Variants in FOXO3 observed in about 807,000 individuals in gnomAD.
The protein encoded by FOXO3 is forkhead box protein O3.
FOXO3 carries 4 observed loss-of-function variants against 41.9 expected under a neutral mutation model. The observed-to-expected ratio is 0.10, with a 90% CI of 0.05 to 0.22. The LOEUF is 0.22. Among genes scored for constraint, FOXO3 ranks in the 10% least tolerant of loss-of-function variants. FOXO3 has a pLI of 1.00. For missense variants in FOXO3, 534 were observed against 906.8 expected, an observed-to-expected ratio of 0.59 and a Z score of 5.28; for synonymous variants, 318 against 389.3, an observed-to-expected ratio of 0.82 and a Z score of 2.16.
At chr6:108,638,137 C>G (rs1183335926) in intron 1 of FOXO3, among the ~76,000 whole-genome samples, 1 of 152,130 alleles carries the variant, frequency 6.6e-6, no homozygotes, top group Non-Finnish European at 1.5e-5. Flanking sequence ...CTGCATACAT[C>G]CCTATGGCAT....
intron 1 of FOXO3, among the ~76,000 whole-genome samples, chr6:108,582,268 G>T (rs1776442461): frequency 6.6e-6 from 1 of 152,160 alleles, no homozygotes; most frequent in Non-Finnish European, 1.5e-5. Context: ...TTATGTGCTA[G>T]GTGTGGGAAG....
intron 2 of FOXO3, among the ~76,000 whole-genome samples, chr6:108,672,188 C>T (rs1779233792): frequency 6.6e-6 from 1 of 152,156 alleles, no homozygotes; most frequent in Non-Finnish European, 1.5e-5. Context: ...CATTGCAGTC[C>T]CTCTTAGGGC....
At chr6:108,586,157 A>G (rs1341119853) in intron 1 of FOXO3, among the ~76,000 whole-genome samples, 1 of 152,234 alleles carries the variant, frequency 6.6e-6, no homozygotes, top group Non-Finnish European at 1.5e-5. Flanking sequence ...TATGTGCAGT[A>G]TTAAGAGATG....
intron 1 of FOXO3, among the ~76,000 whole-genome samples, chr6:108,567,200 G>A (rs751083785): frequency 9.9e-5 from 15 of 152,180 alleles, no homozygotes; most frequent in Non-Finnish European, 2.1e-4. Context: ...AAGTTGCTGG[G>A]AAGTGGCAAA....
intron 1 of FOXO3, among the ~76,000 whole-genome samples, chr6:108,584,194 G>A (rs562335973): frequency 5.3e-5 from 8 of 152,180 alleles, no homozygotes; most frequent in Non-Finnish European, 1.2e-4. Flanking sequence ...GGGTGATAGG[G>A]ATATGCAAAC....
chr6:108,654,614 G>A (rs188398965), intron 1 of FOXO3, among the ~76,000 whole-genome samples: 42 of 152,140 alleles, frequency 2.8e-4, no homozygotes, highest in Middle Eastern at 6.8e-3. Context: ...TTAAATGTTA[G>A]TTTCCAAAGG....
intron 1 of FOXO3, among the ~76,000 whole-genome samples, chr6:108,562,953 A>G (rs902415613): frequency 5.3e-5 from 8 of 152,174 alleles, no homozygotes; most frequent in African/African-American, 9.7e-5. Flanking sequence ...GATTGGAGAT[A>G]TACATCTCTT....
chr6:108,659,914 A>G (rs4946933), intron 1 of FOXO3, among the ~76,000 whole-genome samples: 141,687 of 152,268 alleles, frequency 0.93, 66,098 homozygotes, highest in Non-Finnish European at 0.97. Context: ...GATGTTTCAC[A>G]CTTTTTCTCA....
chr6:108,568,866 A>C (rs9384681), intron 1 of FOXO3, among the ~76,000 whole-genome samples: 1 of 152,134 alleles, frequency 6.6e-6, no homozygotes, highest in Non-Finnish European at 1.5e-5. Context: ...TGAAAACTCC[A>C]TAAGTGTCCA....
chr6:108,592,717 G>A (rs568558760), intron 1 of FOXO3, among the ~76,000 whole-genome samples: 3 of 152,208 alleles, frequency 2.0e-5, no homozygotes, highest in East Asian at 3.9e-4. Flanking sequence ...GCTTCTGTGC[G>A]AATACTGAAA....
At chr6:108,674,030 A>C (rs2128391350) in intron 2 of FOXO3, among the ~76,000 whole-genome samples, 1 of 152,298 alleles carries the variant, frequency 6.6e-6, no homozygotes, top group Non-Finnish European at 1.5e-5. Context: ...CCTTTTATTA[A>C]ATACTTGAGA....
chr6:108,592,149 G>A (rs766724343), intron 1 of FOXO3, among the ~76,000 whole-genome samples: 1 of 152,150 alleles, frequency 6.6e-6, no homozygotes, highest in Non-Finnish European at 1.5e-5. Context: ...ACTGCAAAAG[G>A]GCAGAAGGGA....
At position 108,682,378 on chromosome 6, in the gene FOXO3, GT is replaced by G. The variant is rs1562273158; in HGVS notation, c.*2592del. 6.6e-6 allele frequency: 1 copy of G among 152,542 alleles called. No homozygotes were observed. Among genetic ancestry groups the G allele is most frequent in the Non-Finnish European group, 1.5e-5 (1 of 68,172 alleles). 9.4% of individuals were successfully genotyped at this position (152,542 alleles called of 1,614,324 possible). On this transcript the variant is annotated 3_prime_UTR_variant, in exon 3 of 3. Coordinates refer to ENST00000406360, the MANE Select transcript of FOXO3 (RefSeq NM_001455.4). The stretch of plus-strand genomic sequence containing the variant: ...AGGAGAATGAAGAGGGAATGCTTTG[GT>G]TTTTTGTTTTGTTTTGTTTTTTCTT...
intron 1 of FOXO3, among the ~76,000 whole-genome samples, chr6:108,584,413 G>A (rs1776517508): frequency 6.6e-6 from 1 of 152,160 alleles, no homozygotes; most frequent in African/African-American, 2.4e-5. Context: ...CCTTGCAGAA[G>A]TTTTGCAACC....
chr6:108,564,892 T>C (rs1004098399), intron 1 of FOXO3, among the ~76,000 whole-genome samples: 6 of 152,190 alleles, frequency 3.9e-5, no homozygotes, highest in Admixed American at 1.3e-4. Context: ...AACCTGATTT[T>C]TGGAAAAGCT....
intron 2 of FOXO3, among the ~76,000 whole-genome samples, chr6:108,672,877 C>T (rs549120456): frequency 6.6e-6 from 1 of 151,636 alleles, no homozygotes; most frequent in East Asian, 1.9e-4. Context: ...AAATGTGTTT[C>T]TGTTTGTGTG....
chr6:108,668,390 C>T (rs1779117701), intron 2 of FOXO3, among the ~76,000 whole-genome samples: 1 of 152,108 alleles, frequency 6.6e-6, no homozygotes, highest in African/African-American at 2.4e-5. Flanking sequence ...GCTGCTGGGT[C>T]GTGAAGGGCA....
At chr6:108,568,378 C>T (rs773618907) in intron 1 of FOXO3, among the ~76,000 whole-genome samples, 1 of 152,106 alleles carries the variant, frequency 6.6e-6, no homozygotes, top group South Asian at 2.1e-4. Context: ...TAGGCTAGCT[C>T]GCACTGGAGT....
chr6:108,561,581 G>A lies in FOXO3; in HGVS notation c.373G>A (p.Ala125Thr), dbSNP rs1295839778. The A allele has an allele frequency of 2.6e-5, 39 of 1,489,150 alleles. No homozygotes were observed. The Admixed American group carries it at 3.3e-4, about 13-fold the overall frequency. The allele number at this position is 1,489,150 out of a possible 1,614,324, so 92.2% of individuals were successfully genotyped here. The stretch of plus-strand genomic sequence containing the variant: ...GGGCGGGCTGAGCGGGGGTACACAG[G>A]CGCTGCTGCAGCCTCAGCAACCGCT... ...AAGGLSGGTQ[A>T]LLQPQQPLPP... is the part of the protein sequence containing the mutation. Residue 125 changes from alanine (A) to threonine (T), a missense_variant, in exon 1 of 3, where the codon GCG becomes ACG. Coordinates refer to ENST00000406360, the MANE Select transcript of FOXO3 (RefSeq NM_001455.4).
Sources: gnomAD v4.1 joint callset for allele counts (sites outside exome capture counted in the v4.1 genomes callset) on GRCh38, gnomAD v4.1.1 for gene constraint, MANE v1.5 for transcripts, NCBI Gene and HGNC (gene_info 2026-07-23, HGNC 2026-07-21) for gene names.